MATK: variants seen among roughly 807,000 people sequenced by gnomAD.
MATK encodes megakaryocyte-associated tyrosine kinase, also known as megakaryocyte-associated tyrosine-protein kinase.
Under a neutral mutation model 59.8 loss-of-function variants are expected in MATK, and 41 were observed. That is an observed-to-expected ratio of 0.69 (90% CI 0.53 to 0.89). The LOEUF (loss-of-function observed/expected upper bound fraction) is 0.89, where lower values mean the gene tolerates loss of function less well. Ranked by LOEUF, MATK falls within the 40% of genes least tolerant of loss-of-function variation. The pLI is 0.00. For missense variants in MATK, 593 were observed against 719.6 expected, an observed-to-expected ratio of 0.82 and a Z score of 2.01; for synonymous variants, 308 against 306.1, an observed-to-expected ratio of 1.01 and a Z score of -0.06.
At chr19:3,779,868 C>T (rs1216824291) in intron 8 of MATK, 71 bp from the exon 9 acceptor site, 2 of 920,982 alleles carry the variant, frequency 2.2e-6, no homozygotes, top group Non-Finnish European at 3.6e-6. Flanking sequence ...GACAGACGGA[C>T]AGGCCCGCTC....
At chr19:3,800,778 GA>G (rs1042160835) in intron 1 of MATK, among the ~76,000 whole-genome samples, 3 of 152,294 alleles carry the variant, frequency 2.0e-5, no homozygotes, top group African/African-American at 4.8e-5. Flanking sequence ...TTCATAATGG[GA>G]AAAACCCAAT....
intron 1 of MATK, among the ~76,000 whole-genome samples, chr19:3,794,331 C>A (rs1855668848): frequency 6.6e-6 from 1 of 152,136 alleles, no homozygotes; most frequent in African/African-American, 2.4e-5. Flanking sequence ...ACATAAAAGG[C>A]CCTTACAGAA....
At chr19:3,781,569 A>G (rs1284379697) in intron 8 of MATK, 38 bp downstream of exon 8, 8 of 1,609,800 alleles carry the variant, frequency 5.0e-6, no homozygotes, top group East Asian at 4.5e-5. Flanking sequence ...CGCACCTCCC[A>G]TCTTCCTTCA....
upstream of MATK, chr19:3,787,369 G>A (rs2037497257): frequency 6.7e-6 from 1 of 149,738 alleles, no homozygotes; most frequent in South Asian, 2.1e-4. Flanking sequence ...TCCAAGAATT[G>A]GCCACTTTGC....
chr19:3,778,431 A>G lies in MATK; in HGVS notation c.1285-9T>C, dbSNP rs539839685. 1 of 1,613,356 alleles carries G rather than the reference A, an allele frequency of 6.2e-7. No individual in the cohort carries two copies. Among genetic ancestry groups the G allele is most frequent in the Admixed American group, 1.7e-5 (1 of 60,002 alleles). ...GACACCTCTTTCAGTGACTGCGGAC[A>G]GCAGGCGTGGGCAGGGGTCAGGGCC... On this transcript the variant is annotated splice_polypyrimidine_tract_variant and intron_variant, in intron 13 of 13. Coordinates refer to ENST00000310132, the MANE Select transcript of MATK (RefSeq NM_139355.3).
chr19:3,793,699 T>C (rs2037565858), intron 1 of MATK, among the ~76,000 whole-genome samples: 1 of 140,710 alleles, frequency 7.1e-6, no homozygotes, highest in East Asian at 2.2e-4. Flanking sequence ...GGAGACTCCA[T>C]CTCAAGAAAA....
chr19:3,789,617 C>G (rs1347132228), upstream of MATK, among the ~76,000 whole-genome samples: 1 of 151,928 alleles, frequency 6.6e-6, no homozygotes. Flanking sequence ...CTGAGCTGTG[C>G]CTGACTCTAG....
chr19:3,781,356 T>C (rs1238866020), intron 8 of MATK, among the ~76,000 whole-genome samples: 1 of 152,126 alleles, frequency 6.6e-6, no homozygotes, highest in Non-Finnish European at 1.5e-5. Context: ...GGACTGACCA[T>C]ACAAGACCCT....
intron 8 of MATK, among the ~76,000 whole-genome samples, chr19:3,780,876 C>A (rs1047739699): frequency 6.6e-6 from 1 of 152,068 alleles, no homozygotes; most frequent in Admixed American, 6.6e-5. Context: ...GCTGGGACTA[C>A]AGGCATGCTC....
intron 1 of MATK, among the ~76,000 whole-genome samples, chr19:3,795,085 G>T (rs544937271): frequency 1.5e-5 from 2 of 134,472 alleles, no homozygotes; most frequent in African/African-American, 5.7e-5. Flanking sequence ...TCACACCATT[G>T]TCCTGCCTCA....
chr19:3,781,567 C>A, intron 8 of MATK, 40 bp downstream of exon 8: 2 of 1,606,908 alleles, frequency 1.2e-6, no homozygotes, highest in South Asian at 2.2e-5. Flanking sequence ...TACGCACCTC[C>A]CATCTTCCTT....
At position 3,784,448 on chromosome 19, in the gene MATK, G is replaced by A. The variant is rs905138590; in HGVS notation, c.136C>T (p.Arg46Cys). ...PPVSARMPTR[R>C]WAPGTQCITK... ...ATACACTGGGTGCCCGGGGCCCAGC[G>A]CCTCTGCAGAGGGGGCCGGGAGAGG... The change falls in exon 4 of 14, where the codon CGC (arginine) becomes TGC (cysteine). Residue 46 changes from arginine (R) to cysteine (C), a missense_variant. By Grantham distance (180) the Arg-to-Cys change is radical. Coordinates refer to ENST00000310132, the MANE Select transcript of MATK (RefSeq NM_139355.3). 8 of 1,592,340 alleles carry A rather than the reference G, an allele frequency of 5.0e-6. No homozygotes were observed. Among genetic ancestry groups the A allele is most frequent in the African/African-American group, 1.3e-5 (1 of 74,810 alleles).
At chr19:3,782,762 G>T in intron 7 of MATK, 1 of 286,998 alleles carries the variant, frequency 3.5e-6, no homozygotes, top group Non-Finnish European at 6.6e-6. Context: ...GGAAGGAGGC[G>T]GTCTGATGGG....
rs1281946345 is a variant in MATK, at chr19:3,779,800, G to GGGGGGT, written c.743-9_743-4dup. Reference sequence around the variant, plus strand: ...CAGGTACTCACCCTGCAGGACAGCTGGGGGGTGGGGGTGGGGAACGGGGTG... The same window carrying GGGGGGT: ...CAGGTACTCACCCTGCAGGACAGCTGGGGGGTGGGGGTGGGGGTGGGGAACGGGGTG... On this transcript the variant is annotated splice_polypyrimidine_tract_variant and splice_region_variant and intron_variant, in intron 8 of 13. Coordinates refer to ENST00000310132, the MANE Select transcript of MATK (RefSeq NM_139355.3). 2 of 1,592,188 alleles carry GGGGGGT rather than the reference G, an allele frequency of 1.3e-6. No homozygotes were observed. Among genetic ancestry groups the GGGGGGT allele is most frequent in the East Asian group, 2.2e-5 (1 of 44,776 alleles).
At chr19:3,784,530 G>C in intron 3 of MATK, 79 bp from the exon 4 acceptor site, 1 of 968,302 alleles carries the variant, frequency 1.0e-6, no homozygotes, top group Non-Finnish European at 1.6e-6. Context: ...GGGGAAAGAG[G>C]ACAGGAGGGA....
At chr19:3,782,298 A>G (rs11085040) in intron 7 of MATK, among the ~76,000 whole-genome samples, 270 of 152,126 alleles carry the variant, frequency 1.8e-3, no homozygotes, top group Non-Finnish European at 3.0e-3. Context: ...CCCTCCAGAA[A>G]GTGCCCCCTC....
chr19:3,800,351 G>A (rs1599210957), intron 1 of MATK, among the ~76,000 whole-genome samples: 1 of 152,064 alleles, frequency 6.6e-6, no homozygotes, highest in South Asian at 2.1e-4. Flanking sequence ...CAGGATGGCC[G>A]GGCGTGGTGG....
chr19:3,778,498 C>A lies in MATK; in HGVS notation c.1284+11G>T, dbSNP rs772033194. 10 of 1,613,738 alleles carry A rather than the reference C, an allele frequency of 6.2e-6. No homozygotes were observed. The highest frequency in any genetic ancestry group is 8.5e-6 in the Non-Finnish European group (10 of 1,179,962). ...CCCGGAACCCAGTGCCTCCCTGGGA[C>A]CCCCGCTCACCATTTTAGGGTACGG... On this transcript the variant is annotated intron_variant, in intron 13 of 13. Transcript: ENST00000310132.
chr19:3,779,331 G>C (rs777517062), intron 11 of MATK, 47 bp downstream of exon 11: 1 of 1,602,366 alleles, frequency 6.2e-7, no homozygotes, highest in Admixed American at 1.7e-5. Context: ...CTTGGAATCT[G>C]CGCCCCGACG....
Sources: gnomAD v4.1 joint callset for allele counts (sites outside exome capture counted in the v4.1 genomes callset) on GRCh38, gnomAD v4.1.1 for gene constraint, MANE v1.5 for transcripts, NCBI Gene and HGNC (gene_info 2026-07-23, HGNC 2026-07-21) for gene names.